Variants in DLG2 observed in about 807,000 individuals in gnomAD.
DLG2 encodes the protein disks large homolog 2.
In DLG2, 45 loss-of-function variants were observed where a neutral mutation model predicts 132.5. The ratio of observed to expected loss-of-function variants is 0.34; its 90% CI spans 0.27 to 0.44. The LOEUF (loss-of-function observed/expected upper bound fraction) is 0.44, where lower values mean the gene tolerates loss of function less well. Among genes scored for constraint, DLG2 ranks in the 20% least tolerant of loss-of-function variants. The pLI is 1.00. For synonymous variants in DLG2, 424 were observed against 419.6 expected (o/e 1.01, Z -0.13); for missense variants, 1,045 against 1,196.9 (o/e 0.87, Z 1.87).
chr11:84,346,812 G>T (rs774143198), intron 7 of DLG2, among the ~76,000 whole-genome samples: 1 of 152,040 alleles, frequency 6.6e-6, no homozygotes, highest in Non-Finnish European at 1.5e-5. Context: ...TCCTGACCTC[G>T]TGATCCACTG....
intron 18 of DLG2, among the ~76,000 whole-genome samples, chr11:83,699,235 G>A (rs1214645349): frequency 2.0e-5 from 3 of 152,090 alleles, no homozygotes; most frequent in Non-Finnish European, 2.9e-5. Context: ...AACCTGCTCT[G>A]CTCCAAGTTA....
chr11:84,840,240 T>A (rs1307678310), intron 6 of DLG2, among the ~76,000 whole-genome samples: 3 of 152,014 alleles, frequency 2.0e-5, no homozygotes, highest in Non-Finnish European at 4.4e-5. Flanking sequence ...CATGAAAAAA[T>A]GCTCATCATT....
At chr11:83,858,448 C>T (rs575824446) in intron 16 of DLG2, among the ~76,000 whole-genome samples, 74 of 152,310 alleles carry the variant, frequency 4.9e-4, no homozygotes, top group African/African-American at 1.5e-3. Context: ...CTCTAGTTCA[C>T]TCTCATTATC....
At chr11:84,306,047 A>G (rs957487265) in intron 7 of DLG2, among the ~76,000 whole-genome samples, 65 of 152,158 alleles carry the variant, frequency 4.3e-4, no homozygotes, top group African/African-American at 1.4e-3. Flanking sequence ...TCTTGTGACC[A>G]ACATCACTCC....
Position 83,772,781 on chromosome 11 carries a change from C to T in DLG2, c.1825+13909G>A, listed in dbSNP as rs890348002. Among the ~76,000 whole-genome samples the T allele has an allele frequency of 3.9e-5, 6 of 152,044 alleles. No individual in the cohort carries two copies. In the South Asian group the frequency reaches 1.2e-3, roughly 32 times the overall value. Reference sequence around the variant, plus strand: ...TTCTCCTGTTAAGTGTTTTTTTCTTCTTTAAAATAATACCAATAAGATTTA... The same window carrying T: ...TTCTCCTGTTAAGTGTTTTTTTCTTTTTTAAAATAATACCAATAAGATTTA... On this transcript the variant is annotated intron_variant, in intron 18 of 27. Transcript: ENST00000376104.
At chr11:84,860,375 T>G (rs1413577793) in intron 6 of DLG2, among the ~76,000 whole-genome samples, 2 of 152,162 alleles carry the variant, frequency 1.3e-5, no homozygotes, top group African/African-American at 4.8e-5. Flanking sequence ...CATTAAGTAC[T>G]TTCTGACTGA....
chr11:84,775,056 G>A (rs1230910651), intron 6 of DLG2, among the ~76,000 whole-genome samples: 2 of 151,994 alleles, frequency 1.3e-5, no homozygotes, highest in Non-Finnish European at 2.9e-5. Context: ...CTAATATCCA[G>A]AATCTATAAG....
intron 21 of DLG2, among the ~76,000 whole-genome samples, chr11:83,484,925 C>A (rs966763304): frequency 1.3e-5 from 2 of 152,004 alleles, no homozygotes; most frequent in African/African-American, 4.8e-5. Flanking sequence ...AATTTAGCCC[C>A]AAGCCCTCAT....
In DLG2 at chr11:83,779,723, A is replaced by T. The variant is rs145256727; in HGVS notation, c.1825+6967T>A. On this transcript the variant is annotated intron_variant, in intron 18 of 27. Coordinates refer to ENST00000376104, the MANE Select transcript of DLG2 (RefSeq NM_001142699.3). The stretch of plus-strand genomic sequence containing the variant: ...TCCATATGTGAAATGAGTAAACTTG[A>T]CAAGATTATCTTTAAGGATTCTTAA... 1.8e-4 allele frequency among the ~76,000 whole-genome samples: 27 copies of T among 152,304 alleles called. No homozygotes were observed. In the East Asian group the frequency reaches 4.8e-3, roughly 27 times the overall value.
At chr11:84,953,659 C>T (rs1323638933) in intron 6 of DLG2, among the ~76,000 whole-genome samples, 3 of 152,090 alleles carry the variant, frequency 2.0e-5, no homozygotes, top group Non-Finnish European at 2.9e-5. Flanking sequence ...GTTTAGCACC[C>T]GGCATATGGT....
At position 85,479,443 on chromosome 11, in the gene DLG2, T is replaced by C. The variant is rs182833929; in HGVS notation, c.40+119214A>G. ...CAAAAGGCCTCCAAATACCGTCATA[T>C]TGGAGATTAAGTTTCAACATGTGAA... On this transcript the variant is annotated intron_variant, in intron 3 of 27. Transcript: ENST00000376104. Among the ~76,000 whole-genome samples the C allele has an allele frequency of 6.6e-4, 101 of 152,362 alleles. 2 individuals are homozygous for C. In the East Asian group the frequency reaches 0.019, roughly 28 times the overall value.
At chr11:85,121,440 C>T (rs1253491719) in intron 5 of DLG2, among the ~76,000 whole-genome samples, 1 of 151,058 alleles carries the variant, frequency 6.6e-6, no homozygotes, top group Non-Finnish European at 1.5e-5. Context: ...CAAAAAATAC[C>T]ATGCTATATT....
intron 7 of DLG2, among the ~76,000 whole-genome samples, chr11:84,359,280 A>G (rs1448307771): frequency 6.6e-6 from 1 of 151,830 alleles, no homozygotes; most frequent in Admixed American, 6.6e-5. Flanking sequence ...TCTAATCTGT[A>G]ACTCCCTGGT....
intron 3 of DLG2, among the ~76,000 whole-genome samples, chr11:85,540,198 G>A (rs1384823928): frequency 1.3e-5 from 2 of 152,206 alleles, no homozygotes; most frequent in African/African-American, 4.8e-5. Flanking sequence ...ACGGACATAA[G>A]TGAGGACAGC....
At chr11:84,047,730 C>T (rs1425233248) in intron 11 of DLG2, among the ~76,000 whole-genome samples, 1 of 151,590 alleles carries the variant, frequency 6.6e-6, no homozygotes, top group African/African-American at 2.4e-5. Context: ...AATTATAGAT[C>T]AGCTTTAAAC....
chr11:83,898,637 T>G (rs1272614535), intron 15 of DLG2, among the ~76,000 whole-genome samples: 1 of 152,136 alleles, frequency 6.6e-6, no homozygotes, highest in Non-Finnish European at 1.5e-5. Flanking sequence ...GCAAGAGTAT[T>G]TTTTCCAATA....
rs144984178 is a variant in DLG2, at chr11:85,615,777, T to C, written c.-93+10810A>G. Reference sequence around the variant, plus strand: ...AACCTGTTTTTTTTAAAAACACGCATGGCATCTCCTATCTGTGATCAAATG... The same window carrying C: ...AACCTGTTTTTTTTAAAAACACGCACGGCATCTCCTATCTGTGATCAAATG... On this transcript the variant is annotated intron_variant, in intron 2 of 27. Coordinates refer to ENST00000376104, the MANE Select transcript of DLG2 (RefSeq NM_001142699.3). Among the ~76,000 whole-genome samples the C allele has an allele frequency of 9.1e-3, 1,379 of 152,154 alleles. 21 individuals are homozygous for C. Among genetic ancestry groups the C allele is most frequent in the African/African-American group, 0.032 (1,342 of 41,502 alleles).
chr11:84,284,793 T>C (rs948474031), intron 7 of DLG2, among the ~76,000 whole-genome samples: 14 of 152,220 alleles, frequency 9.2e-5, no homozygotes, highest in African/African-American at 3.4e-4. Context: ...AAGAATTTAA[T>C]ATGCCTCTCC....
At chr11:83,882,837 T>A (rs1442075904) in intron 15 of DLG2, among the ~76,000 whole-genome samples, 1 of 152,200 alleles carries the variant, frequency 6.6e-6, no homozygotes, top group Non-Finnish European at 1.5e-5. Flanking sequence ...TCTTTCCTTA[T>A]CTTTAAAGAA....
Sources: allele counts gnomAD v4.1 joint callset (sites outside exome capture counted in the v4.1 genomes callset), GRCh38; gene constraint gnomAD v4.1.1; transcripts MANE v1.5; gene names NCBI Gene and HGNC (gene_info 2026-07-23, HGNC 2026-07-21).